HMGB1: variants seen among roughly 807,000 people sequenced by gnomAD.
HMGB1 encodes the protein high mobility group protein B1.
For synonymous variants in HMGB1, 81 were observed against 84.0 expected (o/e 0.96, Z 0.19); for missense variants, 79 against 253.5 (o/e 0.31, Z 4.67).
chr13:30,614,871 G>C (rs1340450868), intron 1 of HMGB1, among the ~76,000 whole-genome samples: 1 of 142,540 alleles, frequency 7.0e-6, no homozygotes, highest in Non-Finnish European at 1.5e-5. Flanking sequence ...GTTAATTTTT[G>C]TATTTTTTTT....
exon 1 of HMGB1, chr13:30,617,575 T>G (rs993501912): frequency 2.6e-5 from 4 of 152,228 alleles, no homozygotes; most frequent in African/African-American, 9.7e-5. Flanking sequence ...GTCTCTTTCG[T>G]CAGCGTAATC....
At chr13:30,479,219 G>A (rs1469706774) in intron 1 of HMGB1, among the ~76,000 whole-genome samples, 1 of 151,962 alleles carries the variant, frequency 6.6e-6, no homozygotes, top group African/African-American at 2.4e-5. Flanking sequence ...CTGTAATTTG[G>A]ACCTTAGTCC....
At chr13:30,555,888 T>C (rs1246708602) in intron 1 of HMGB1, among the ~76,000 whole-genome samples, 1 of 152,220 alleles carries the variant, frequency 6.6e-6, no homozygotes, top group Non-Finnish European at 1.5e-5. Context: ...ATAAGGATTA[T>C]TATGCTTGAA....
intron 1 of HMGB1, among the ~76,000 whole-genome samples, chr13:30,593,319 C>A (rs559386842): frequency 6.6e-6 from 1 of 152,230 alleles, no homozygotes; most frequent in African/African-American, 2.4e-5. Flanking sequence ...CTCTTTTATG[C>A]CCTTCTTTGT....
chr13:30,596,092 G>A (rs946344661), intron 1 of HMGB1, among the ~76,000 whole-genome samples: 1 of 152,110 alleles, frequency 6.6e-6, no homozygotes, highest in East Asian at 1.9e-4. Flanking sequence ...GTATGCCAAT[G>A]GTAAGAAATA....
rs909877075 is a variant in HMGB1 at position 30,558,094 on chromosome 13, TA to T, written c.-15+58576del. Among the ~76,000 whole-genome samples the T allele has an allele frequency of 1.9e-3, 278 of 148,580 alleles. 2 individuals carry two copies. Among genetic ancestry groups the T allele is most frequent in the African/African-American group, 6.4e-3 (262 of 40,636 alleles). On this transcript the variant is annotated intron_variant, in intron 1 of 4. Coordinates refer to the HMGB1 transcript ENST00000405805. ...AAAACCGAGCCTATGCAAGAGCTAT[TA>T]AAAAAAAAAGGATAATGAAGAGAAC... is the stretch of plus-strand genomic sequence containing the variant.
chr13:30,465,180 C>G (rs868556252), intron 1 of HMGB1: 1 of 937,006 alleles, frequency 1.1e-6, no homozygotes, highest in Non-Finnish European at 1.3e-6. Context: ...CGGCGCCGCT[C>G]CCCCCGCCGC....
upstream of HMGB1, among the ~76,000 whole-genome samples, chr13:30,469,151 A>G (rs908466596): frequency 6.6e-6 from 1 of 152,074 alleles, no homozygotes; most frequent in Non-Finnish European, 1.5e-5. Flanking sequence ...TCAGCCTCCC[A>G]AAGTGCTAAG....
In HMGB1 at chr13:30,613,457, G is replaced by A. The variant is rs1191497638; in HGVS notation, c.-15+3214C>T. On this transcript the variant is annotated intron_variant, in intron 1 of 4. Transcript: ENST00000405805. Reference sequence around the variant, plus strand: ...GAGTACTAATTGAGTACATGCCTTGGAATGAGCATGAGCTGGAAAGAACAA... The same window carrying A: ...GAGTACTAATTGAGTACATGCCTTGAAATGAGCATGAGCTGGAAAGAACAA... Among the ~76,000 whole-genome samples, 6 of 152,292 alleles carry A rather than the reference G, an allele frequency of 3.9e-5. No homozygotes were observed. In the East Asian group the frequency reaches 9.6e-4, roughly 24 times the overall value.
rs1886313297 is a variant in HMGB1 at position 30,461,329 on chromosome 13, A to T, written c.*28T>A. On this transcript the variant is annotated 3_prime_UTR_variant, in exon 5 of 5. Coordinates refer to ENST00000341423, the MANE Select transcript of HMGB1 (RefSeq NM_002128.7). The stretch of plus-strand genomic sequence containing the variant: ...AGGGGGGTTAAATGCTTTATAGACA[A>T]GAAAAAAAAAACTGCGCTAGAACCA... 1.3e-6 allele frequency: 2 copies of T among 1,518,102 alleles called. No individual in the cohort carries two copies. Among genetic ancestry groups the T allele is most frequent in the African/African-American group, 1.5e-5 (1 of 65,574 alleles). 94.0% of individuals were successfully genotyped at this position (1,518,102 alleles called of 1,614,324 possible). A position where few individuals can be genotyped will look rare whatever the true frequency, so the allele number is the denominator to read the frequency against.
At chr13:30,474,679 G>A (rs1221236805) in intron 1 of HMGB1, among the ~76,000 whole-genome samples, 1 of 151,770 alleles carries the variant, frequency 6.6e-6, no homozygotes. Flanking sequence ...CGAGGCAGAA[G>A]AGGAGTTCAA....
intron 1 of HMGB1, among the ~76,000 whole-genome samples, chr13:30,572,666 G>C (rs1045973375): frequency 3.3e-5 from 5 of 152,164 alleles, no homozygotes; most frequent in Admixed American, 6.5e-5. Context: ...GTTGACCCTG[G>C]TGTAAGGATC....
intron 1 of HMGB1, among the ~76,000 whole-genome samples, chr13:30,579,079 C>T (rs1870788195): frequency 1.3e-5 from 2 of 152,188 alleles, no homozygotes; most frequent in African/African-American, 4.8e-5. Context: ...GAATCATTCT[C>T]ATCTTTGTAT....
chr13:30,471,509 G>A (rs1272326570), intron 1 of HMGB1, among the ~76,000 whole-genome samples: 2 of 150,566 alleles, frequency 1.3e-5, no homozygotes, highest in South Asian at 2.1e-4. Flanking sequence ...CACCACACCT[G>A]GCTAATTTTT....
chr13:30,554,384 G>A (rs1171470753), intron 1 of HMGB1: 7 of 837,332 alleles, frequency 8.4e-6, no homozygotes, highest in African/African-American at 8.4e-5. Flanking sequence ...GATGGGAAAA[G>A]GAGATTATAT....
At chr13:30,498,267 C>T (rs1887656656) in intron 1 of HMGB1, among the ~76,000 whole-genome samples, 1 of 152,140 alleles carries the variant, frequency 6.6e-6, no homozygotes, top group South Asian at 2.1e-4. Context: ...TTGTAGTGAG[C>T]CGAGATTGCA....
chr13:30,551,962 G>A (rs1254759248), intron 1 of HMGB1, among the ~76,000 whole-genome samples: 1 of 152,092 alleles, frequency 6.6e-6, no homozygotes, highest in Non-Finnish European at 1.5e-5. Flanking sequence ...CCAAAGTGCT[G>A]GGATTCCAGG....
chr13:30,505,217 C>T (rs1001729537), intron 1 of HMGB1, among the ~76,000 whole-genome samples: 37 of 151,866 alleles, frequency 2.4e-4, no homozygotes, highest in African/African-American at 9.0e-4. Context: ...TTGCCCTTGT[C>T]ACCCAGGCTG....
intron 1 of HMGB1, chr13:30,553,779 GC>G: frequency 7.2e-7 from 1 of 1,398,206 alleles, no homozygotes; most frequent in Non-Finnish European, 1.0e-6. Flanking sequence ...TCATAGAGTG[GC>G]CAAGTTTCCA....
Sources: gnomAD v4.1 joint callset for allele counts (sites outside exome capture counted in the v4.1 genomes callset) on GRCh38, gnomAD v4.1.1 for gene constraint, MANE v1.5 for transcripts, NCBI Gene and HGNC (gene_info 2026-07-23, HGNC 2026-07-21) for gene names.